The following NAALADL2 variants were observed in gnomAD, a reference collection of about 807,000 sequenced individuals.
NAALADL2 encodes inactive N-acetylated-alpha-linked acidic dipeptidase-like protein 2.
A neutral mutation model predicts 87.2 loss-of-function variants in NAALADL2; 76 were observed. That is an observed-to-expected ratio of 0.87 (90% CI 0.72 to 1.05). The LOEUF is 1.05. Among genes scored for constraint, NAALADL2 ranks in the 50% least tolerant of loss-of-function variants. The pLI is 0.00. For synonymous variants in NAALADL2, 354 were observed against 331.0 expected, an observed-to-expected ratio of 1.07 and a Z score of -0.75; for missense variants, 1,089 against 945.8, an observed-to-expected ratio of 1.15 and a Z score of -1.99.
rs748594320 is a variant in NAALADL2 at position 175,096,935 on chromosome 3, A to T, written c.189A>T (p.Gln63His). 3 of 1,613,308 alleles carry T rather than the reference A, an allele frequency of 1.9e-6. No homozygotes were observed. Among genetic ancestry groups the T allele is most frequent in the African/African-American group, 2.7e-5 (2 of 74,846 alleles). The stretch of plus-strand genomic sequence containing the variant: ...AACTAGAGGAGTCTGGTTTTGACCA[A>T]TTCCAGCTAGACGGTGCTGAGAATC... ...EKELEESGFD[Q>H]FQLDGAENQN... Residue 63 changes from glutamine (Q) to histidine (H), a missense_variant, in exon 2 of 14, where the codon CAA (glutamine) becomes CAT (histidine). Gln to His is a conservative substitution (Grantham distance 24, BLOSUM62 0). Coordinates refer to ENST00000454872, the MANE Select transcript of NAALADL2 (RefSeq NM_207015.3).
intron 3 of NAALADL2, among the ~76,000 whole-genome samples, chr3:174,778,538 T>C (rs1224435019): frequency 1.3e-5 from 2 of 151,992 alleles, no homozygotes; most frequent in Non-Finnish European, 2.9e-5. Flanking sequence ...AACGTGCAGG[T>C]TTGTTACATG....
At chr3:175,390,802 T>C (rs1768975480) in intron 5 of NAALADL2, among the ~76,000 whole-genome samples, 1 of 152,186 alleles carries the variant, frequency 6.6e-6, no homozygotes, top group Non-Finnish European at 1.5e-5. Flanking sequence ...GCTTTTTCTA[T>C]ATTACTGGTC....
At chr3:175,628,987 C>T (rs1727384373) in intron 11 of NAALADL2, among the ~76,000 whole-genome samples, 1 of 150,776 alleles carries the variant, frequency 6.6e-6, no homozygotes, top group African/African-American at 2.4e-5. Flanking sequence ...AACAGGAAGC[C>T]TATCCCAGTT....
At chr3:174,874,346 C>A (rs1286072331) in intron 1 of NAALADL2, among the ~76,000 whole-genome samples, 1 of 152,174 alleles carries the variant, frequency 6.6e-6, no homozygotes, top group Non-Finnish European at 1.5e-5. Flanking sequence ...GTCTCCCCTA[C>A]TGATACTTAA....
intron 1 of NAALADL2, among the ~76,000 whole-genome samples, chr3:174,531,815 G>A (rs1203539304): frequency 6.6e-6 from 1 of 152,036 alleles, no homozygotes; most frequent in Non-Finnish European, 1.5e-5. Context: ...GCATTGTAAT[G>A]CAACATTCCT....
chr3:175,552,562 TTTTTA>T (rs1202419453), intron 9 of NAALADL2, among the ~76,000 whole-genome samples: 4 of 152,186 alleles, frequency 2.6e-5, no homozygotes, highest in African/African-American at 4.8e-5. Context: ...GAATGTTTCT[TTTTTA>T]TAAGATATTA....
chr3:175,023,138 C>T (rs983841282), intron 1 of NAALADL2, among the ~76,000 whole-genome samples: 1 of 151,974 alleles, frequency 6.6e-6, no homozygotes, highest in Non-Finnish European at 1.5e-5. Context: ...AAATAAATAA[C>T]AAAAGACCAC....
intron 2 of NAALADL2, among the ~76,000 whole-genome samples, chr3:175,118,224 G>A (rs529283168): frequency 2.1e-4 from 32 of 151,766 alleles, no homozygotes; most frequent in African/African-American, 6.5e-4. Flanking sequence ...AAACCTGCAC[G>A]TTGTGCACAT....
rs1324887519 is a variant in NAALADL2 at position 174,764,678 on chromosome 3, T to C, written c.-9+26932T>C. Among the ~76,000 whole-genome samples the C allele has an allele frequency of 7.2e-5, 11 of 152,160 alleles. No individual in the cohort carries two copies. The East Asian group carries it at 2.1e-3, about 29-fold the overall frequency. ...CAAATATCACACTGCTATTTGAAGA[T>C]CAAGATTGAAAGTTAGCTCTTAAAG... On this transcript the variant is annotated intron_variant, in intron 3 of 3. Transcript: ENST00000434257.
chr3:175,299,231 A>G (rs1414657953), intron 4 of NAALADL2, among the ~76,000 whole-genome samples: 2 of 152,150 alleles, frequency 1.3e-5, no homozygotes, highest in Non-Finnish European at 2.9e-5. Context: ...CTTTTTGCTT[A>G]GGATTGTCTT....
chr3:174,880,256 T>G (rs1729041619), intron 1 of NAALADL2, among the ~76,000 whole-genome samples: 1 of 152,126 alleles, frequency 6.6e-6, no homozygotes, highest in Admixed American at 6.6e-5. Flanking sequence ...ATACTCCTGA[T>G]AGTCTCTCCC....
At chr3:175,724,222 A>G (rs1742635632) in intron 11 of NAALADL2, among the ~76,000 whole-genome samples, 1 of 152,144 alleles carries the variant, frequency 6.6e-6, no homozygotes, top group Admixed American at 6.6e-5. Context: ...AAAATTCTTG[A>G]ATTGTTGGGC....
intron 3 of NAALADL2, among the ~76,000 whole-genome samples, chr3:175,236,202 CA>C (rs1745824097): frequency 6.6e-6 from 1 of 152,050 alleles, no homozygotes; most frequent in Non-Finnish European, 1.5e-5. Context: ...ATGAACCCTT[CA>C]ATAACAATTT....
chr3:174,951,092 G>A (rs1740273138), intron 1 of NAALADL2, among the ~76,000 whole-genome samples: 1 of 152,036 alleles, frequency 6.6e-6, no homozygotes, highest in Admixed American at 6.6e-5. Context: ...CATAAAAAGA[G>A]AATAATGCTT....
At chr3:174,780,068 G>A (rs950970097) in intron 3 of NAALADL2, among the ~76,000 whole-genome samples, 6 of 152,102 alleles carry the variant, frequency 3.9e-5, no homozygotes, top group Non-Finnish European at 8.8e-5. Context: ...GGGCAGTATG[G>A]CCATTTTCAT....
chr3:175,471,570 C>T, intron 8 of NAALADL2, 69 bp from the exon 9 acceptor site: 1 of 833,512 alleles, frequency 1.2e-6, no homozygotes, highest in South Asian at 1.6e-5. Flanking sequence ...CATTATTCAA[C>T]ATCTAACTAA....
intron 1 of NAALADL2, among the ~76,000 whole-genome samples, chr3:174,930,639 T>TG (rs1736736437): frequency 1.5e-5 from 2 of 136,334 alleles, no homozygotes; most frequent in African/African-American, 5.5e-5. Flanking sequence ...TTTTTTTTTT[T>TG]GAGACAGAGT....
intron 2 of NAALADL2, among the ~76,000 whole-genome samples, chr3:174,729,040 G>T (rs13065021): frequency 0.058 from 8,889 of 152,072 alleles, 343 homozygotes; most frequent in Middle Eastern, 0.099. Flanking sequence ...CTTCAACTTG[G>T]ATGAGAATAC....
chr3:174,567,754 G>A (rs1308108785), intron 2 of NAALADL2, among the ~76,000 whole-genome samples: 1 of 151,614 alleles, frequency 6.6e-6, no homozygotes, highest in Non-Finnish European at 1.5e-5. Flanking sequence ...TAGTGTTAAT[G>A]TAAGTATTAA....
Sources: gnomAD v4.1 joint callset for allele counts (sites outside exome capture counted in the v4.1 genomes callset) on GRCh38, gnomAD v4.1.1 for gene constraint, MANE v1.5 for transcripts, NCBI Gene and HGNC (gene_info 2026-07-23, HGNC 2026-07-21) for gene names.